Variants in COPG2 observed in about 807,000 individuals in gnomAD.
The protein encoded by COPG2 is coat protein complex I subunit gamma 2.
A neutral mutation model predicts 46.3 loss-of-function variants in COPG2; 37 were observed. The observed-to-expected ratio is 0.80, with a 90% CI of 0.61 to 1.05. The LOEUF is 1.05. COPG2 is among the 50% of genes least tolerant of loss of function. The probability of loss-of-function intolerance (pLI) is 0.00; values close to 1 mark genes in which losing one functional copy is unlikely to be tolerated. For synonymous variants in COPG2, 159 were observed against 129.7 expected (o/e 1.23, Z -1.53); for missense variants, 427 against 387.8 (o/e 1.10, Z -0.85).
chr7:130,601,926 G>A (rs1320509899), intron 9 of COPG2, among the ~76,000 whole-genome samples: 7 of 152,156 alleles, frequency 4.6e-5, no homozygotes, highest in African/African-American at 1.4e-4. Flanking sequence ...CTCTCAAAGT[G>A]AGAAACTAAA....
rs987908602 is a variant in COPG2, at chr7:130,529,241, G to A, written c.2149+18433C>T. Among the ~76,000 whole-genome samples, 126 of 152,326 alleles carry A rather than the reference G, an allele frequency of 8.3e-4. No homozygotes were observed. In the East Asian group the frequency reaches 0.022, roughly 27 times the overall value. On this transcript the variant is annotated intron_variant, in intron 20 of 23. Transcript: ENST00000425248. Reference sequence around the variant, plus strand: ...GGAAGGGAGCTGACATCAAGGAAATGACTGCAGAGTGCAGTCATTGACTTA... The same window carrying A: ...GGAAGGGAGCTGACATCAAGGAAATAACTGCAGAGTGCAGTCATTGACTTA...
At chr7:130,644,453 G>A (rs568412732) in intron 5 of COPG2, among the ~76,000 whole-genome samples, 1 of 152,270 alleles carries the variant, frequency 6.6e-6, no homozygotes, top group South Asian at 2.1e-4. Context: ...GTCCGGTGAA[G>A]ATAGGGCTGC....
chr7:130,625,309 G>T (rs533933790), intron 5 of COPG2, among the ~76,000 whole-genome samples: 1 of 151,972 alleles, frequency 6.6e-6, no homozygotes, highest in South Asian at 2.1e-4. Flanking sequence ...GATTATCTGG[G>T]GTTCCTAGGT....
At chr7:130,591,190 G>T (rs1794409487) in intron 9 of COPG2, among the ~76,000 whole-genome samples, 1 of 138,868 alleles carries the variant, frequency 7.2e-6, no homozygotes, top group Non-Finnish European at 1.6e-5. Flanking sequence ...GGGAGGTGAG[G>T]GGCGCCTCTG....
At chr7:130,548,569 TGAA>T (rs1584969799) in intron 18 of COPG2, 27 bp from the exon 19 acceptor site, 1 of 398,410 alleles carries the variant, frequency 2.5e-6, no homozygotes, top group South Asian at 1.3e-4. Flanking sequence ...ACGTAGGCTA[TGAA>T]GAAGACAGGG....
chr7:130,589,575 G>A (rs1014383664), intron 9 of COPG2, among the ~76,000 whole-genome samples: 2 of 151,970 alleles, frequency 1.3e-5, no homozygotes, highest in Non-Finnish European at 2.9e-5. Flanking sequence ...GTGTGCCACC[G>A]CACCTGGCCA....
chr7:130,535,871 A>G (rs1181981623), intron 20 of COPG2, among the ~76,000 whole-genome samples: 2 of 152,116 alleles, frequency 1.3e-5, no homozygotes, highest in African/African-American at 4.8e-5. Flanking sequence ...GCAAAAGAAG[A>G]AAAAACAGAG....
chr7:130,653,010 T>C (rs1401745757), intron 4 of COPG2, 62 bp from the exon 5 acceptor site: 16 of 1,035,876 alleles, frequency 1.5e-5, no homozygotes, highest in Non-Finnish European at 2.3e-5. Flanking sequence ...TTAAATTATT[T>C]GAAGTGAGGA....
intron 6 of COPG2, among the ~76,000 whole-genome samples, chr7:130,614,472 G>T (rs572797669): frequency 6.6e-6 from 1 of 152,142 alleles, no homozygotes; most frequent in Non-Finnish European, 1.5e-5. Flanking sequence ...CCAAGCATGG[G>T]TATATAGCTA....
intron 20 of COPG2, among the ~76,000 whole-genome samples, chr7:130,536,519 G>A (rs1411182402): frequency 6.6e-6 from 1 of 152,188 alleles, no homozygotes; most frequent in African/African-American, 2.4e-5. Flanking sequence ...AGCAAAAGAA[G>A]AAACCCAGCC....
intron 9 of COPG2, among the ~76,000 whole-genome samples, chr7:130,588,186 A>C (rs1236880448): frequency 2.6e-5 from 4 of 151,832 alleles, no homozygotes; most frequent in Non-Finnish European, 5.9e-5. Flanking sequence ...GAACACTTTT[A>C]CACTGTTGGT....
At chr7:130,657,338 A>G (rs1554460030) in intron 4 of COPG2, among the ~76,000 whole-genome samples, 1 of 152,162 alleles carries the variant, frequency 6.6e-6, no homozygotes. Context: ...AGGAAGAGAA[A>G]AGAGGTGAAA....
chr7:130,536,427 A>G (rs1333659322), intron 20 of COPG2, among the ~76,000 whole-genome samples: 1 of 152,182 alleles, frequency 6.6e-6, no homozygotes, highest in African/African-American at 2.4e-5. Context: ...AGGCAGGCCT[A>G]TCCAATCATC....
chr7:130,634,274 T>C (rs1182224525), intron 5 of COPG2, among the ~76,000 whole-genome samples: 2 of 152,146 alleles, frequency 1.3e-5, no homozygotes, highest in African/African-American at 4.8e-5. Flanking sequence ...AATGGGAGCT[T>C]AATGGGGATA....
rs1793523496 is a variant in COPG2 at position 130,550,609 on chromosome 7, G to A, written c.1689C>T (p.His563=). 2.5e-6 allele frequency: 1 copy of A among 398,002 alleles called. No individual in the cohort carries two copies. The highest frequency in any genetic ancestry group is 4.4e-5 in the Admixed American group (1 of 22,700). 24.7% of individuals were successfully genotyped at this position (398,002 alleles called of 1,614,324 possible). A position where few individuals can be genotyped will look rare whatever the true frequency, so the allele number is the denominator to read the frequency against. The change falls in exon 17 of 24, where the codon CAC becomes CAT. Residue 563 remains histidine (H), a synonymous_variant. Transcript: ENST00000425248. Reference sequence around the variant, plus strand: ...TTTCTGAAGGCTCCAACGTGTACTGGTGTAAGGCTTTTTCCATCCCTGGTA... The same window carrying A: ...TTTCTGAAGGCTCCAACGTGTACTGATGTAAGGCTTTTTCCATCCCTGGTA... The part of the protein sequence containing the change: ...VSVPGMEKAL[H]QYTLEPSEKP...
chr7:130,595,989 T>C (rs1208728311), intron 9 of COPG2, among the ~76,000 whole-genome samples: 2 of 152,210 alleles, frequency 1.3e-5, no homozygotes, highest in African/African-American at 4.8e-5. Flanking sequence ...CCGTAGTGCC[T>C]CTGCTTCCTC....
rs566351884 is a variant in COPG2, at chr7:130,508,650, G to T, written c.2159C>A (p.Ser720Tyr). ...PDDDPTAVAGSFSCTMKFTVR... is the reference protein window; with the variant it reads ...PDDDPTAVAGYFSCTMKFTVR... ...TGTAAACTTCATGGTGCAGCTAAAGGAGCCTGCAACTGGAGGAGAAGGGAG... is the reference window on the plus strand; with the variant it reads ...TGTAAACTTCATGGTGCAGCTAAAGTAGCCTGCAACTGGAGGAGAAGGGAG... The change falls in exon 21 of 24, where the codon TCC becomes TAC. Residue 720 changes from serine (S) to tyrosine (Y), a missense_variant. By Grantham distance (144) the Ser-to-Tyr change is moderately radical. Coordinates refer to ENST00000425248, the MANE Select transcript of COPG2 (RefSeq NM_012133.6). 1 of 766,796 alleles carries T rather than the reference G, an allele frequency of 1.3e-6. No homozygotes were observed. Among genetic ancestry groups the T allele is most frequent in the African/African-American group, 1.7e-5 (1 of 58,990 alleles). The allele number at this position is 766,796 out of a possible 1,614,324, so 47.5% of individuals were successfully genotyped here. A position where few individuals can be genotyped will look rare whatever the true frequency, so the allele number is the denominator to read the frequency against.
At chr7:130,667,459 C>T (rs781927870) in intron 2 of COPG2, 23 bp downstream of exon 2, 8 of 1,606,426 alleles carry the variant, frequency 5.0e-6, no homozygotes, top group Non-Finnish European at 6.0e-6. Context: ...AAAGAAAGGG[C>T]ACAAGATACT....
At chr7:130,582,568 A>G (rs1303677751) in intron 9 of COPG2, among the ~76,000 whole-genome samples, 4 of 151,388 alleles carry the variant, frequency 2.6e-5, no homozygotes, top group Non-Finnish European at 3.0e-5. Flanking sequence ...GCAACCTACA[A>G]AATGGGAGAA....
Sources: gnomAD v4.1 joint callset for allele counts (sites outside exome capture counted in the v4.1 genomes callset) on GRCh38, gnomAD v4.1.1 for gene constraint, MANE v1.5 for transcripts, NCBI Gene and HGNC (gene_info 2026-07-23, HGNC 2026-07-21) for gene names.